THRB: variants seen among roughly 807,000 people sequenced by gnomAD.
The protein encoded by THRB is thyroid hormone receptor beta, also known as nuclear receptor subfamily 1 group A member 2.
Under a neutral mutation model 47.8 loss-of-function variants are expected in THRB, and 12 were observed. The ratio of observed to expected loss-of-function variants is 0.25; its 90% confidence interval spans 0.16 to 0.41. The LOEUF (loss-of-function observed/expected upper bound fraction) is 0.41, where lower values mean the gene tolerates loss of function less well. Among genes scored for constraint, THRB ranks in the 10% least tolerant of loss-of-function variants. The probability of loss-of-function intolerance (pLI) is 1.00; values close to 1 mark genes in which losing one functional copy is unlikely to be tolerated. For synonymous variants in THRB, 218 were observed against 212.2 expected (o/e 1.03, Z -0.24); for missense variants, 348 against 589.2 (o/e 0.59, Z 4.24).
chr3:24,249,542 ACCTCTAACCCAG>A (rs2050446982), intron 3 of THRB, among the ~76,000 whole-genome samples: 1 of 152,108 alleles, frequency 6.6e-6, no homozygotes, highest in African/African-American at 2.4e-5. Flanking sequence ...AGGGCTGCTT[ACCTCTAACCCAG>A]AACTTAAACA....
intron 1 of THRB, among the ~76,000 whole-genome samples, chr3:24,455,964 C>T (rs1021297430): frequency 6.6e-6 from 1 of 152,176 alleles, no homozygotes; most frequent in African/African-American, 2.4e-5. Flanking sequence ...AATTTCTCTG[C>T]AAACTATTAT....
At chr3:24,123,266 C>G in intron 10 of THRB, 141 bp from the exon 11 acceptor site, 1 of 1,235,618 alleles carries the variant, frequency 8.1e-7, no homozygotes, top group Non-Finnish European at 1.2e-6. Context: ...AGCGTGAACT[C>G]TGGTGCTCCA....
chr3:24,487,344 GCACACACA>G (rs61358157), intron 1 of THRB, among the ~76,000 whole-genome samples: 2 of 146,382 alleles, frequency 1.4e-5, no homozygotes, highest in African/African-American at 5.0e-5. Flanking sequence ...AGACACACAA[GCACACACA>G]CACACACACA....
At chr3:24,317,337 G>C (rs2058186166) in intron 2 of THRB, among the ~76,000 whole-genome samples, 1 of 152,136 alleles carries the variant, frequency 6.6e-6, no homozygotes, top group Non-Finnish European at 1.5e-5. Context: ...AGAGGTGCAT[G>C]CTACCTGAGT....
At chr3:24,231,941 A>T (rs56986712) in intron 3 of THRB, among the ~76,000 whole-genome samples, 11,350 of 152,218 alleles carry the variant, frequency 0.075, 474 homozygotes, top group Non-Finnish European at 0.087. Context: ...TTTGTAGGTC[A>T]GTGAGGAGGA....
rs1367488382 is a variant in THRB at position 24,453,520 on chromosome 3, C to G, written c.-261+41132G>C. Among the ~76,000 whole-genome samples, 4 of 152,318 alleles carry G rather than the reference C, an allele frequency of 2.6e-5. No homozygotes were observed. In the South Asian group the frequency reaches 6.2e-4, roughly 24 times the overall value. Reference sequence around the variant, plus strand: ...TCAAGCTCACTGATTTTAGTCATTGCTCACTCTAGCAACAGCAAAGGTCTC... The same window carrying G: ...TCAAGCTCACTGATTTTAGTCATTGGTCACTCTAGCAACAGCAAAGGTCTC... On this transcript the variant is annotated intron_variant, in intron 1 of 10. Coordinates refer to ENST00000646209, the MANE Select transcript of THRB (RefSeq NM_001354712.2).
intron 2 of THRB, among the ~76,000 whole-genome samples, chr3:24,311,563 T>C (rs1009823281): frequency 2.0e-5 from 3 of 152,148 alleles, no homozygotes; most frequent in South Asian, 2.1e-4. Flanking sequence ...CCTAAGCCCC[T>C]TTTTTACACC....
chr3:24,485,013 A>G (rs2125911212), intron 1 of THRB, among the ~76,000 whole-genome samples: 1 of 152,322 alleles, frequency 6.6e-6, no homozygotes, highest in African/African-American at 2.4e-5. Flanking sequence ...AATCTGGATC[A>G]TTAAAGAAAT....
At chr3:24,259,401 TGCTCA>T (rs1430434252) in intron 3 of THRB, among the ~76,000 whole-genome samples, 2 of 152,178 alleles carry the variant, frequency 1.3e-5, no homozygotes, top group African/African-American at 4.8e-5. Flanking sequence ...ACACTATTAG[TGCTCA>T]GACACAAAGC....
chr3:24,299,789 AT>A (rs66468679), intron 2 of THRB, among the ~76,000 whole-genome samples: 3,203 of 69,122 alleles, frequency 0.046, 211 homozygotes, highest in East Asian at 0.2. Context: ...TTATTTATTT[AT>A]TTTTTTTTTT....
At chr3:24,351,669 AAGTCACACAGTAAATC>A (rs566931746) in intron 1 of THRB, among the ~76,000 whole-genome samples, 2,386 of 152,232 alleles carry the variant, frequency 0.016, 40 homozygotes, top group South Asian at 0.057. Context: ...CACACTCTCA[AAGTCACACAGTAAATC>A]AGTCAGAGCA....
intron 3 of THRB, among the ~76,000 whole-genome samples, chr3:24,282,831 C>G (rs1019821883): frequency 6.6e-6 from 1 of 150,548 alleles, no homozygotes; most frequent in Non-Finnish European, 1.5e-5. Context: ...ACTAGAAAAT[C>G]TAGAAGAAAT....
At chr3:24,138,117 T>C (rs887466496) in intron 8 of THRB, among the ~76,000 whole-genome samples, 19 of 152,144 alleles carry the variant, frequency 1.2e-4, no homozygotes, top group African/African-American at 3.9e-4. Context: ...ATTAGTATTG[T>C]TCAAGGTGAG....
chr3:24,175,463 A>AAAAG (rs2041017162), intron 5 of THRB, among the ~76,000 whole-genome samples: 1 of 152,204 alleles, frequency 6.6e-6, no homozygotes, highest in South Asian at 2.1e-4. Flanking sequence ...ATACTATTCA[A>AAAAG]AAAGAGCTCA....
chr3:24,200,227 A>T (rs921756212), intron 4 of THRB, among the ~76,000 whole-genome samples: 4 of 152,204 alleles, frequency 2.6e-5, no homozygotes, highest in African/African-American at 9.6e-5. Context: ...CATAATGTTT[A>T]TTCTTGATGC....
intron 2 of THRB, among the ~76,000 whole-genome samples, chr3:24,331,672 C>T (rs1443145177): frequency 7.9e-6 from 1 of 125,856 alleles, no homozygotes; most frequent in African/African-American, 3.5e-5. Flanking sequence ...ACACACACCT[C>T]CGTGTATGGT....
At chr3:24,129,794 C>G (rs968868931) in intron 9 of THRB, among the ~76,000 whole-genome samples, 2 of 152,336 alleles carry the variant, frequency 1.3e-5, no homozygotes, top group South Asian at 4.1e-4. Flanking sequence ...CTGGCAAAGA[C>G]GACAGGGCCC....
intron 10 of THRB, among the ~76,000 whole-genome samples, chr3:24,126,180 C>G (rs1024435550): frequency 6.6e-6 from 1 of 152,008 alleles, no homozygotes; most frequent in Non-Finnish European, 1.5e-5. Flanking sequence ...ATCACTTGAG[C>G]CCAGGAGTTC....
chr3:24,291,392 C>A (rs768896674), intron 3 of THRB, among the ~76,000 whole-genome samples: 1 of 152,136 alleles, frequency 6.6e-6, no homozygotes, highest in African/African-American at 2.4e-5. Context: ...TGTTTCTGTG[C>A]GCACATGAGT....
Sources: allele counts gnomAD v4.1 joint callset (sites outside exome capture counted in the v4.1 genomes callset), GRCh38; gene constraint gnomAD v4.1.1; transcripts MANE v1.5; gene names NCBI Gene and HGNC (gene_info 2026-07-23, HGNC 2026-07-21).